Variants in AFF3 observed in about 807,000 individuals in gnomAD.
The protein encoded by AFF3 is AF4/FMR2 family member 3.
Under a neutral mutation model 129.7 loss-of-function variants are expected in AFF3, and 32 were observed. The observed-to-expected ratio is 0.25, with a 90% CI of 0.19 to 0.33. The LOEUF (loss-of-function observed/expected upper bound fraction) is 0.33, where lower values mean the gene tolerates loss of function less well. Among genes scored for constraint, AFF3 ranks in the 10% least tolerant of loss-of-function variants. AFF3 has a pLI of 1.00. For missense variants in AFF3, 1,373 were observed against 1,592.0 expected, an observed-to-expected ratio of 0.86 and a Z score of 2.34; for synonymous variants, 644 against 635.4, an observed-to-expected ratio of 1.01 and a Z score of -0.20.
chr2:99,561,270 C>T (rs1433172302), intron 20 of AFF3, among the ~76,000 whole-genome samples: 1 of 152,204 alleles, frequency 6.6e-6, no homozygotes, highest in Non-Finnish European at 1.5e-5. Flanking sequence ...TTGTAAAGCT[C>T]TTGGGATAGT....
chr2:99,864,771 A>T (rs114312626), intron 7 of AFF3, among the ~76,000 whole-genome samples: 3,662 of 152,334 alleles, frequency 0.024, 74 homozygotes, highest in Non-Finnish European at 0.037. Flanking sequence ...GCTTTGCCTG[A>T]ATTCTGCTTC....
chr2:99,997,560 G>A, intron 7 of AFF3, among the ~76,000 whole-genome samples: 1 of 151,038 alleles, frequency 6.6e-6, no homozygotes, highest in East Asian at 2.0e-4. Flanking sequence ...CAGTGCAACA[G>A]CCAAACCCAT....
chr2:99,638,776 C>T (rs1467135245), intron 13 of AFF3, among the ~76,000 whole-genome samples: 2 of 152,176 alleles, frequency 1.3e-5, no homozygotes, highest in Non-Finnish European at 2.9e-5. Context: ...CCTGTTTTTC[C>T]TGTTTTTAAT....
chr2:99,757,811 A>T (rs1020910261), intron 8 of AFF3, among the ~76,000 whole-genome samples: 1 of 152,192 alleles, frequency 6.6e-6, no homozygotes, highest in Non-Finnish European at 1.5e-5. Context: ...GTCAAGACCC[A>T]GCTCCATTTC....
intron 7 of AFF3, among the ~76,000 whole-genome samples, chr2:99,946,617 C>T (rs1675601539): frequency 6.6e-6 from 1 of 151,060 alleles, no homozygotes; most frequent in Admixed American, 6.6e-5. Flanking sequence ...GCTTCCCTAG[C>T]AGACTGACAG....
chr2:99,864,143 C>T (rs1691200721), intron 7 of AFF3, among the ~76,000 whole-genome samples: 1 of 152,230 alleles, frequency 6.6e-6, no homozygotes, highest in Non-Finnish European at 1.5e-5. Flanking sequence ...GCTTATCTAG[C>T]TTTCCCGTGC....
rs548736424 is a variant in AFF3, at chr2:99,917,340, G to A, written c.874-79816C>T. Among the ~76,000 whole-genome samples, 18 of 152,278 alleles carry A rather than the reference G, an allele frequency of 1.2e-4. No homozygotes were observed. The South Asian group carries it at 3.7e-3, about 32-fold the overall frequency. On this transcript the variant is annotated intron_variant, in intron 7 of 24. Coordinates refer to ENST00000672756, the MANE Select transcript of AFF3 (RefSeq NM_001386135.1). ...AACCCACCCAGAAGCCAGAGGGCAGGAGATCCTGATGTGGTTCCTACAGTG... is the reference window on the plus strand; with the variant it reads ...AACCCACCCAGAAGCCAGAGGGCAGAAGATCCTGATGTGGTTCCTACAGTG...
At chr2:99,733,404 A>ACAG (rs1680000308) in intron 10 of AFF3, among the ~76,000 whole-genome samples, 1 of 149,816 alleles carries the variant, frequency 6.7e-6, no homozygotes, top group African/African-American at 2.4e-5. Context: ...CAAAACAACA[A>ACAG]CAACAACAAC....
chr2:99,721,741 T>C (rs967527145), intron 11 of AFF3, among the ~76,000 whole-genome samples: 9 of 152,228 alleles, frequency 5.9e-5, no homozygotes, highest in African/African-American at 2.2e-4. Context: ...CCCATAATGT[T>C]CCACGGTGTA....
intron 13 of AFF3, among the ~76,000 whole-genome samples, chr2:99,604,937 T>G (rs1220796644): frequency 1.3e-5 from 2 of 152,262 alleles, no homozygotes; most frequent in African/African-American, 4.8e-5. Context: ...GCTGGTTCTG[T>G]GTGCTCTGGG....
intron 7 of AFF3, among the ~76,000 whole-genome samples, chr2:99,989,821 G>C (rs149256972): frequency 4.5e-4 from 69 of 152,232 alleles, no homozygotes; most frequent in African/African-American, 1.5e-3. Flanking sequence ...GGCATTTGAG[G>C]ATGCAAATAA....
intron 4 of AFF3, among the ~76,000 whole-genome samples, chr2:100,012,404 T>G (rs897237259): frequency 6.6e-6 from 1 of 152,142 alleles, no homozygotes; most frequent in Non-Finnish European, 1.5e-5. Context: ...CCACATATCA[T>G]TTCATGGCTA....
intron 12 of AFF3, among the ~76,000 whole-genome samples, chr2:99,671,604 T>C (rs1178308625): frequency 6.6e-6 from 1 of 152,204 alleles, no homozygotes; most frequent in Non-Finnish European, 1.5e-5. Flanking sequence ...ATCATCTGCA[T>C]AGCATTTCAT....
chr2:99,942,559 C>T (rs1675159161), intron 7 of AFF3, among the ~76,000 whole-genome samples: 1 of 116,820 alleles, frequency 8.6e-6, no homozygotes, highest in African/African-American at 4.0e-5. Context: ...GGGGGGGGGT[C>T]GCGGCACAGG....
intron 13 of AFF3, among the ~76,000 whole-genome samples, chr2:99,606,915 C>CGAAA (rs1680414092): frequency 3.2e-5 from 2 of 62,186 alleles, no homozygotes; most frequent in Non-Finnish European, 2.8e-5. Context: ...CTCCGTCTCA[C>CGAAA]AAAAAAAAAA....
chr2:99,948,616 T>C (rs1227232685), intron 7 of AFF3, among the ~76,000 whole-genome samples: 2 of 152,216 alleles, frequency 1.3e-5, no homozygotes, highest in Non-Finnish European at 2.9e-5. Flanking sequence ...GATTCTCTGC[T>C]ATCCCCAAAT....
chr2:99,580,629 T>A (rs1267439458), intron 17 of AFF3, among the ~76,000 whole-genome samples: 2 of 152,180 alleles, frequency 1.3e-5, no homozygotes, highest in East Asian at 1.9e-4. Flanking sequence ...GCGCGGTGGC[T>A]CATGCCTGTA....
At chr2:100,135,404 C>T (rs1039850571) in intron 1 of AFF3, among the ~76,000 whole-genome samples, 4 of 152,200 alleles carry the variant, frequency 2.6e-5, no homozygotes, top group African/African-American at 9.7e-5. Flanking sequence ...ACTGCTGTGG[C>T]AGCTTCTGCT....
At chr2:99,884,367 T>C (rs960412048) in intron 7 of AFF3, among the ~76,000 whole-genome samples, 2 of 152,180 alleles carry the variant, frequency 1.3e-5, no homozygotes, top group African/African-American at 4.8e-5. Context: ...ACATTGCTAT[T>C]AACTATAGTT....
Sources: gnomAD v4.1 joint callset for allele counts (sites outside exome capture counted in the v4.1 genomes callset) on GRCh38, gnomAD v4.1.1 for gene constraint, MANE v1.5 for transcripts, NCBI Gene and HGNC (gene_info 2026-07-23, HGNC 2026-07-21) for gene names.